Variants in LTN1 observed in about 807,000 individuals in gnomAD.
LTN1 encodes listerin E3 ubiquitin protein ligase 1, also known as E3 ubiquitin-protein ligase listerin.
LTN1 carries 88 observed loss-of-function variants against 201.2 expected under a neutral mutation model. The ratio of observed to expected loss-of-function variants is 0.44; its 90% CI spans 0.37 to 0.52. The LOEUF is 0.52. Ranked by LOEUF, LTN1 falls within the 20% of genes least tolerant of loss-of-function variation. The pLI is 0.00. For missense variants in LTN1, 1,752 were observed against 2,038.7 expected (o/e 0.86, Z 2.71); for synonymous variants, 645 against 713.5 (o/e 0.90, Z 1.53).
rs74809108 is a variant in LTN1, at chr21:28,969,272, T to C, written c.1311+194A>G. Among the ~76,000 whole-genome samples, 656 of 152,162 alleles carry C rather than the reference T, an allele frequency of 4.3e-3. 18 individuals are homozygous for C. In the East Asian group the frequency reaches 0.077, roughly 18 times the overall value. On this transcript the variant is annotated intron_variant, in intron 9 of 29. Transcript: ENST00000361371. ...CAGACACTGATTAGTTTCTTAGGTATCATACCATGCTAGCAACTGAGAGTA... is the reference window on the plus strand; with the variant it reads ...CAGACACTGATTAGTTTCTTAGGTACCATACCATGCTAGCAACTGAGAGTA...
chr21:28,945,890 A>C lies in LTN1; in HGVS notation c.3685T>G (p.Ser1229Ala). The change falls in exon 21 of 30, where the codon TCC (serine) becomes GCC (alanine). Residue 1229 changes from serine to alanine, a missense_variant. Physicochemically the swap from Ser to Ala is moderately conservative, Grantham distance 99. This residue lies in a region of LTN1 where 1,211 missense variants were observed against 1,312.8 expected (regional missense o/e 0.92). Transcript: ENST00000361371. Reference protein sequence around the residue: ...GVNIEIIRFLSLFLKYCSSPL... With the variant: ...GVNIEIIRFLALFLKYCSSPL... ...GATGAGCAGTATTTCAGAAATAGGG[A>C]AAGAAACCGGATTATTTCTATATTT... 6.2e-7 allele frequency: 1 copy of C among 1,613,672 alleles called. No homozygotes were observed. The highest frequency in any genetic ancestry group is 8.5e-7 in the Non-Finnish European group (1 of 1,179,640).
rs753475019 is a variant in LTN1, at chr21:28,970,614, A to G, written c.1113T>C (p.Pro371=). Residue 371 remains proline (P), a synonymous_variant, in exon 8 of 30, where the codon CCT becomes CCC. Transcript: ENST00000361371. ...PYLLPFISKL[P]QSITNPKLDF... ...CCAACTTTGGATTTGTGATGGACTG[A>G]GGGAGCTTGCTGATGAATGGCAGAA... 2.5e-6 allele frequency: 4 copies of G among 1,613,976 alleles called. No individual in the cohort carries two copies. The highest frequency in any genetic ancestry group is 2.5e-6 in the Non-Finnish European group (3 of 1,179,906).
chr21:28,941,166 G>A lies in LTN1; in HGVS notation c.4482+54C>T, dbSNP rs1279283236. 3.3e-6 allele frequency: 4 copies of A among 1,219,768 alleles called. No homozygotes were observed. The East Asian group carries it at 9.4e-5, about 29-fold the overall frequency. 75.6% of individuals were successfully genotyped at this position (1,219,768 alleles called of 1,614,324 possible). On this transcript the variant is annotated intron_variant, in intron 25 of 29. Transcript: ENST00000361371. ...AACTGAAAGGAAGGTATTTAGAACAGTATCAGAAGCATATTAGGACAGAAC... is the reference window on the plus strand; with the variant it reads ...AACTGAAAGGAAGGTATTTAGAACAATATCAGAAGCATATTAGGACAGAAC...
rs1224808000 is a variant in LTN1 at position 28,971,416 on chromosome 21, G to C, written c.839C>G (p.Ser280Cys). ...CTGTGGAATGCGCTGGCACAATGCA[G>C]AGACTAACTCAAAATAAGCTGAGCG... ...QIRSAYFELV[S>C]ALCQRIPQLM... The change falls in exon 7 of 30, where the codon TCT becomes TGT. Residue 280 changes from serine (S) to cysteine (C), a missense_variant. Transcript: ENST00000361371. The C allele has an allele frequency of 1.2e-6, 2 of 1,613,986 alleles. No individual in the cohort carries two copies. The highest frequency in any genetic ancestry group is 1.3e-5 in the African/African-American group (1 of 75,050).
rs2084682531 is a variant in LTN1, at chr21:28,984,585, CTACT to C, written c.576+103_576+106del. On this transcript the variant is annotated intron_variant, in intron 4 of 29. Transcript: ENST00000361371. Reference sequence around the variant, plus strand: ...AAGGCAACCTTCAGTTGGAAATACTCTACTTACTCATTCCCCTACAATCCCAAGT... The same window carrying C: ...AAGGCAACCTTCAGTTGGAAATACTCTACTCATTCCCCTACAATCCCAAGT... 1.1e-5 allele frequency: 8 copies of C among 708,602 alleles called. No individual in the cohort carries two copies. The South Asian group carries it at 1.6e-4, about 15-fold the overall frequency. The allele number at this position is 708,602 out of a possible 1,614,324, so 43.9% of individuals were successfully genotyped here.
rs2084656239 is a variant in LTN1, at chr21:28,981,212, T to C, written c.717A>G (p.Leu239=). Residue 239 remains leucine (L), a synonymous_variant, in exon 6 of 30, where the codon TTA becomes TTG. Coordinates refer to ENST00000361371, the MANE Select transcript of LTN1 (RefSeq NM_015565.3). ...LLALKRLLCL[L]PDNELDSLEE... is the part of the protein sequence containing the mutation. Reference sequence around the variant, plus strand: ...CCAGAGAATCAAGCTCATTATCAGGTAAAAGGCAAAGTAATCTCTTTAATG... The same window carrying C: ...CCAGAGAATCAAGCTCATTATCAGGCAAAAGGCAAAGTAATCTCTTTAATG... 6.3e-7 allele frequency: 1 copy of C among 1,599,846 alleles called. No homozygotes were observed. Among genetic ancestry groups the C allele is most frequent in the Admixed American group, 1.8e-5 (1 of 55,906 alleles).
At chr21:28,953,474 C>T (rs1246373982) in intron 16 of LTN1, 98 bp from the exon 17 acceptor site, 6 of 822,394 alleles carry the variant, frequency 7.3e-6, no homozygotes, top group South Asian at 2.1e-5. Context: ...ACTGTTGTGC[C>T]CACTCATCTC....
chr21:28,964,413 T>C (rs1454560377), intron 11 of LTN1, among the ~76,000 whole-genome samples: 1 of 152,230 alleles, frequency 6.6e-6, no homozygotes, highest in African/African-American at 2.4e-5. Flanking sequence ...ATTAGCACTG[T>C]TTAGCAATAA....
chr21:28,966,259 G>A, intron 10 of LTN1, 111 bp downstream of exon 10: 2 of 882,910 alleles, frequency 2.3e-6, no homozygotes, highest in Non-Finnish European at 3.5e-6. Context: ...AGAATATATT[G>A]CTTGTCCTAA....
At chr21:28,955,060 A>G (rs2084413268) in intron 16 of LTN1, among the ~76,000 whole-genome samples, 1 of 152,186 alleles carries the variant, frequency 6.6e-6, no homozygotes, top group Non-Finnish European at 1.5e-5. Context: ...TAAGGAATAT[A>G]TAAGGAACTC....
At position 28,958,521 on chromosome 21, in the gene LTN1, A is replaced by C. The variant is rs1254539985; in HGVS notation, c.2612T>G (p.Leu871Arg). Residue 871 changes from leucine (L) to arginine (R), a missense_variant, in exon 14 of 30, where the codon CTG becomes CGG. This residue lies in a region of LTN1 where 1,211 missense variants were observed against 1,312.8 expected (regional missense o/e 0.92). Transcript: ENST00000361371. ...TACACCAGAGAGCCAAGTATTTTTCAGTTTACAGATAAGAAAATCTAAAAT... is the reference window on the plus strand; with the variant it reads ...TACACCAGAGAGCCAAGTATTTTTCCGTTTACAGATAAGAAAATCTAAAAT... ...THLPDFLICK[L>R]KNTWLSGVNL... is the part of the protein sequence containing the mutation. 6.3e-7 allele frequency: 1 copy of C among 1,599,550 alleles called. No individual in the cohort carries two copies. The highest frequency in any genetic ancestry group is 8.5e-7 in the Non-Finnish European group (1 of 1,175,272).
chr21:28,941,472 C>CT (rs1283980141), intron 24 of LTN1, 66 bp from the exon 25 acceptor site: 5 of 1,263,926 alleles, frequency 4.0e-6, no homozygotes, highest in Non-Finnish European at 5.5e-6. Context: ...ATTGACAGTA[C>CT]TTGTAAACTT....
rs997651444 is a variant in LTN1 at position 28,971,645 on chromosome 21, G to C, written c.811-201C>G. 6.6e-5 allele frequency among the ~76,000 whole-genome samples: 10 copies of C among 152,194 alleles called. No individual in the cohort carries two copies. The South Asian group carries it at 2.1e-3, about 32-fold the overall frequency. The stretch of plus-strand genomic sequence containing the variant: ...ACCAAGGCAAAAGTGAAGGCTGAAA[G>C]AATTAATTCAACTTTCTCTTTCTTT... On this transcript the variant is annotated intron_variant, in intron 6 of 29. Transcript: ENST00000361371.
intron 5 of LTN1, among the ~76,000 whole-genome samples, chr21:28,982,004 C>T (rs890797928): frequency 6.6e-6 from 1 of 152,158 alleles, no homozygotes; most frequent in Non-Finnish European, 1.5e-5. Flanking sequence ...CACCTGAGGT[C>T]GTGAGTTCGA....
At chr21:28,947,329 C>A (rs2084345788) in intron 19 of LTN1, 135 bp downstream of exon 19, 1 of 675,370 alleles carries the variant, frequency 1.5e-6, no homozygotes, top group Non-Finnish European at 2.3e-6. Flanking sequence ...TCTAACAACA[C>A]TCATCCATAT....
At position 28,965,843 on chromosome 21, in the gene LTN1, GAAA is replaced by G. The variant is rs762380599; in HGVS notation, c.2163+19_2163+21del. 39 of 1,215,360 alleles carry G rather than the reference GAAA, an allele frequency of 3.2e-5. No homozygotes were observed. The African/African-American group carries it at 5.8e-4, about 18-fold the overall frequency. The allele number at this position is 1,215,360 out of a possible 1,614,324, so 75.3% of individuals were successfully genotyped here. A position where few individuals can be genotyped will look rare whatever the true frequency, so the allele number is the denominator to read the frequency against. ...ATTCCCATAAATACAAAAAAAAAAAGAAAAAAAAATCCCTAAGATACCTTTTCA... is the reference window on the plus strand; with the variant it reads ...ATTCCCATAAATACAAAAAAAAAAAGAAAAAATCCCTAAGATACCTTTTCA... On this transcript the variant is annotated intron_variant, in intron 11 of 29. Transcript: ENST00000361371.
At chr21:28,943,983 G>GATTTAAGGAA in intron 22 of LTN1, 79 bp from the exon 23 acceptor site, 3 of 853,280 alleles carry the variant, frequency 3.5e-6, no homozygotes, top group Non-Finnish European at 5.8e-6. Flanking sequence ...ACAATCAAAT[G>GATTTAAGGAA]TCATTTAAGA....
chr21:28,970,381 C>T (rs970210391), intron 8 of LTN1, among the ~76,000 whole-genome samples, 171 bp downstream of exon 8: 2 of 152,128 alleles, frequency 1.3e-5, no homozygotes, highest in African/African-American at 4.8e-5. Context: ...TGTGCTACCA[C>T]TGAAGTCTTG....
chr21:28,985,041 G>A (rs539950464), intron 3 of LTN1, 119 bp from the exon 4 acceptor site: 3 of 594,122 alleles, frequency 5.0e-6, no homozygotes, highest in East Asian at 3.0e-5. Context: ...AAGCTAAACT[G>A]AAATCATTTT....
Sources: gnomAD v4.1 joint callset for allele counts (sites outside exome capture counted in the v4.1 genomes callset) on GRCh38, gnomAD v4.1.1 for gene constraint, gnomAD v4.1.1 regional missense constraint, MANE v1.5 for transcripts, NCBI Gene and HGNC (gene_info 2026-07-23, HGNC 2026-07-21) for gene names.